Variants in LRRC53 observed in about 807,000 individuals in gnomAD.
LRRC53 encodes the protein leucine-rich repeat-containing protein 53.
Under a neutral mutation model 13.6 loss-of-function variants are expected in LRRC53, and 25 were observed. That is an observed-to-expected ratio of 1.83 (90% CI 1.34 to 2.56). The LOEUF (loss-of-function observed/expected upper bound fraction) is 2.56, where lower values mean the gene tolerates loss of function less well. LRRC53 is among the 30% of genes most tolerant of loss of function. The probability of loss-of-function intolerance (pLI) is 0.00; values close to 1 mark genes in which losing one functional copy is unlikely to be tolerated. For synonymous variants in LRRC53, 204 were observed against 109.8 expected, an observed-to-expected ratio of 1.86 and a Z score of -5.37; for missense variants, 527 against 275.8, an observed-to-expected ratio of 1.91 and a Z score of -6.45.
the LRRC53 span, among the ~76,000 whole-genome samples, chr1:74,519,629 G>A: frequency 3.9e-5 from 6 of 152,080 alleles, no homozygotes; most frequent in Admixed American, 3.9e-4. Context: ...AAGAAAGCCA[G>A]AATAGAGATA....
intron 1 of LRRC53, among the ~76,000 whole-genome samples, chr1:74,499,232 C>T (rs1316717754): frequency 6.6e-6 from 1 of 152,180 alleles, no homozygotes; most frequent in Non-Finnish European, 1.5e-5. Flanking sequence ...TAGAATTTTT[C>T]CTTGGCTCAA....
At chr1:74,522,636 A>ATGTG in the LRRC53 span, among the ~76,000 whole-genome samples, 13 of 151,528 alleles carry the variant, frequency 8.6e-5, no homozygotes, top group South Asian at 2.3e-3. Flanking sequence ...CCTAAGGTGT[A>ATGTG]TGTGTGTGTG....
chr1:74,487,626 A>T lies in LRRC53; in HGVS notation c.-26-4251T>A, dbSNP rs1269318278. Among the ~76,000 whole-genome samples, 4 of 152,126 alleles carry T rather than the reference A, an allele frequency of 2.6e-5. No individual in the cohort carries two copies. The East Asian group carries it at 5.8e-4, about 22-fold the overall frequency. On this transcript the variant is annotated intron_variant, in intron 1 of 4. Coordinates refer to ENST00000294635, the MANE Select transcript of LRRC53 (RefSeq NM_001382280.1). ...GAATCTAATGATAAATGTAAATGAA[A>T]TATAAGGTAAAGGGAAAGTGAGTGA...
At chr1:74,493,718 C>T (rs1379000721) in intron 1 of LRRC53, among the ~76,000 whole-genome samples, 5 of 152,298 alleles carry the variant, frequency 3.3e-5, no homozygotes, top group South Asian at 4.2e-4. Context: ...CCTCCTTGGA[C>T]ACCCACATAG....
intron 1 of LRRC53, among the ~76,000 whole-genome samples, chr1:74,498,045 T>C (rs1415444879): frequency 6.6e-6 from 1 of 152,190 alleles, no homozygotes; most frequent in African/African-American, 2.4e-5. Context: ...TATTACCATT[T>C]AGTGAGCTGG....
At chr1:74,491,051 T>G (rs1339084590) in intron 1 of LRRC53, among the ~76,000 whole-genome samples, 1 of 152,216 alleles carries the variant, frequency 6.6e-6, no homozygotes, top group East Asian at 1.9e-4. Flanking sequence ...TGGTATCCAG[T>G]TGTGTCTGTG....
chr1:74,490,070 A>C (rs1192182534), intron 1 of LRRC53, among the ~76,000 whole-genome samples: 4 of 151,142 alleles, frequency 2.6e-5, no homozygotes, highest in East Asian at 3.9e-4. Context: ...AAAAAAAAAA[A>C]AAAAAACTCA....
intron 3 of LRRC53, among the ~76,000 whole-genome samples, chr1:74,478,254 T>A (rs2100242963): frequency 6.6e-6 from 1 of 152,282 alleles, no homozygotes; most frequent in Admixed American, 6.5e-5. Context: ...AATTTAACAA[T>A]TATTTGATGA....
At chr1:74,483,070 A>T (rs3765677) in intron 2 of LRRC53, among the ~76,000 whole-genome samples, 192 bp downstream of exon 2, 1 of 152,324 alleles carries the variant, frequency 6.6e-6, no homozygotes, top group South Asian at 2.1e-4. Context: ...AGGTCTTTAA[A>T]TAGTTTTGAT....
At chr1:74,518,873 CCTTTTTTT>C in the LRRC53 span, among the ~76,000 whole-genome samples, 7 of 100,332 alleles carry the variant, frequency 7.0e-5, no homozygotes, top group East Asian at 5.8e-4. Context: ...TTTTTTTTCC[CCTTTTTTT>C]TTTTTTTTTT....
At chr1:74,518,873 C>CTTTTTTTTTTT in the LRRC53 span, among the ~76,000 whole-genome samples, 27 of 100,354 alleles carry the variant, frequency 2.7e-4, no homozygotes, top group Non-Finnish European at 3.7e-4. Flanking sequence ...TTTTTTTTCC[C>CTTTTTTTTTTT]CTTTTTTTTT....
At chr1:74,494,632 T>C (rs553592952) in intron 1 of LRRC53, among the ~76,000 whole-genome samples, 1 of 152,340 alleles carries the variant, frequency 6.6e-6, no homozygotes, top group African/African-American at 2.4e-5. Context: ...TAAAGCACAG[T>C]CACCTGAGGT....
chr1:74,482,696 T>A (rs1668564864), intron 2 of LRRC53, among the ~76,000 whole-genome samples: 1 of 152,206 alleles, frequency 6.6e-6, no homozygotes. Context: ...CACATTCTCC[T>A]CAAATTTGTT....
intron 1 of LRRC53, among the ~76,000 whole-genome samples, chr1:74,491,017 T>A (rs1349689141): frequency 6.6e-6 from 1 of 152,164 alleles, no homozygotes; most frequent in Non-Finnish European, 1.5e-5. Context: ...AAGATATGAT[T>A]AGTCTTGTTC....
intron 1 of LRRC53, among the ~76,000 whole-genome samples, chr1:74,483,662 C>A (rs1668609515): frequency 6.6e-6 from 1 of 152,154 alleles, no homozygotes; most frequent in Non-Finnish European, 1.5e-5. Flanking sequence ...GTTTGTAGTG[C>A]TTTCACCAAA....
chr1:74,532,493 A>C, the LRRC53 span, among the ~76,000 whole-genome samples: 2 of 151,604 alleles, frequency 1.3e-5, no homozygotes, highest in Non-Finnish European at 2.9e-5. Context: ...TTATTATTAT[A>C]CTTTAAGTTT....
rs545759786 is a variant in LRRC53 at position 74,471,992 on chromosome 1, C to G, written c.1630G>C (p.Val544Leu). Residue 544 changes from valine to leucine, a missense_variant, in exon 5 of 5, where the codon GTA (valine) becomes CTA (leucine). Coordinates refer to ENST00000294635, the MANE Select transcript of LRRC53 (RefSeq NM_001382280.1). The stretch of plus-strand genomic sequence containing the variant: ...TCATATTTTGATCTATTTTTTTGTA[C>G]GATCTTTTGTACATAGTGTTCCTCA... ...EPEEHYVQKI[V>L]QKNRSKYDDP... is the part of the protein sequence containing the mutation. 1 of 635,140 alleles carries G rather than the reference C, an allele frequency of 1.6e-6. No homozygotes were observed. Among genetic ancestry groups the G allele is most frequent in the Non-Finnish European group, 2.9e-6 (1 of 349,584 alleles). The allele number at this position is 635,140 out of a possible 1,614,324, so 39.3% of individuals were successfully genotyped here.
In LRRC53 at chr1:74,483,992, T is replaced by C. The variant is rs1668627207; in HGVS notation, c.-26-617A>G. 2.0e-5 allele frequency among the ~76,000 whole-genome samples: 3 copies of C among 152,088 alleles called. No homozygotes were observed. In the South Asian group the frequency reaches 6.2e-4, roughly 32 times the overall value. ...CTGACTATATTATCTTAGAAAAAAATATTTCTTTTTATTTTTTGCTTTTTC... is the reference window on the plus strand; with the variant it reads ...CTGACTATATTATCTTAGAAAAAAACATTTCTTTTTATTTTTTGCTTTTTC... On this transcript the variant is annotated intron_variant, in intron 1 of 4. Transcript: ENST00000294635.
At chr1:74,485,564 A>C (rs897648266) in intron 1 of LRRC53, among the ~76,000 whole-genome samples, 4 of 152,198 alleles carry the variant, frequency 2.6e-5, no homozygotes, top group Non-Finnish European at 5.9e-5. Context: ...CCTGTCCTTC[A>C]GTGTGGGCAG....
Sources: allele counts gnomAD v4.1 joint callset (sites outside exome capture counted in the v4.1 genomes callset), GRCh38; gene constraint gnomAD v4.1.1; transcripts MANE v1.5; gene names NCBI Gene and HGNC (gene_info 2026-07-23, HGNC 2026-07-21).